Variants in CPA3 observed in about 807,000 individuals in gnomAD.
CPA3 encodes mast cell carboxypeptidase A.
In CPA3, 52 loss-of-function variants were observed where a neutral mutation model predicts 55.8. The observed-to-expected ratio is 0.93, with a 90% confidence interval of 0.75 to 1.17. The LOEUF (loss-of-function observed/expected upper bound fraction) is 1.17, where lower values mean the gene tolerates loss of function less well. CPA3 is among the 50% of genes most tolerant of loss of function. The pLI, the probability that CPA3 is intolerant of heterozygous loss-of-function variation, is 0.00. For missense variants in CPA3, 547 were observed against 509.1 expected (o/e 1.07, Z -0.72); for synonymous variants, 179 against 171.2 (o/e 1.05, Z -0.36).
intron 2 of CPA3, 67 bp downstream of exon 2, chr3:148,865,615 C>T: frequency 2.2e-6 from 3 of 1,350,042 alleles, no homozygotes; most frequent in Non-Finnish European, 3.1e-6. Context: ...TCTTATTTTA[C>T]TGTCAATGCC....
intron 3 of CPA3, among the ~76,000 whole-genome samples, chr3:148,872,728 A>G (rs2108030497): frequency 6.6e-6 from 1 of 152,264 alleles, no homozygotes; most frequent in South Asian, 2.1e-4. Context: ...ACCTAAGAGT[A>G]TAACATGCAT....
rs542693043 is a variant in CPA3, at chr3:148,868,216, C to T, written c.145-699C>T. Among the ~76,000 whole-genome samples, 35 of 152,158 alleles carry T rather than the reference C, an allele frequency of 2.3e-4. No homozygotes were observed. In the South Asian group the frequency reaches 5.8e-3, roughly 25 times the overall value. ...CCTCGAAATTATTTTGATCTGAATGCTATACTTCTGAGCTCATATACCAAA... is the reference window on the plus strand; with the variant it reads ...CCTCGAAATTATTTTGATCTGAATGTTATACTTCTGAGCTCATATACCAAA... On this transcript the variant is annotated intron_variant, in intron 2 of 10. Transcript: ENST00000296046.
intron 10 of CPA3, among the ~76,000 whole-genome samples, chr3:148,889,736 G>T (rs1714618952): frequency 6.6e-6 from 1 of 152,012 alleles, no homozygotes; most frequent in African/African-American, 2.4e-5. Context: ...TGGGCGTAAT[G>T]GTGGGCACCT....
intron 7 of CPA3, 67 bp downstream of exon 7, chr3:148,881,699 C>A: frequency 1.0e-6 from 1 of 955,186 alleles, no homozygotes; most frequent in Non-Finnish European, 1.6e-6. Flanking sequence ...CAATGTTATG[C>A]ATTCAGCTTA....
chr3:148,887,388 C>T (rs1714561636), intron 10 of CPA3, among the ~76,000 whole-genome samples: 1 of 152,184 alleles, frequency 6.6e-6, no homozygotes, highest in South Asian at 2.1e-4. Flanking sequence ...TTGATTTTCA[C>T]AATCTCAAGC....
chr3:148,885,208 G>A (rs1402881640), intron 9 of CPA3, among the ~76,000 whole-genome samples: 7 of 151,784 alleles, frequency 4.6e-5, no homozygotes, highest in African/African-American at 1.7e-4. Flanking sequence ...AGCCTGTTAG[G>A]GACCAAGGAA....
At chr3:148,895,369 A>G (rs1210500754) in intron 10 of CPA3, among the ~76,000 whole-genome samples, 1 of 152,182 alleles carries the variant, frequency 6.6e-6, no homozygotes, top group African/African-American at 2.4e-5. Flanking sequence ...CTCCATCATG[A>G]AGGCAGTATT....
chr3:148,895,582 C>T (rs1309390096), intron 10 of CPA3, among the ~76,000 whole-genome samples: 1 of 152,138 alleles, frequency 6.6e-6, no homozygotes. Context: ...TTGTACCCTG[C>T]AACAATTACT....
At chr3:148,882,255 T>C (rs1310375887) in intron 7 of CPA3, among the ~76,000 whole-genome samples, 1 of 152,188 alleles carries the variant, frequency 6.6e-6, no homozygotes, top group Non-Finnish European at 1.5e-5. Flanking sequence ...TACTGTGAAC[T>C]AATCAACAGT....
intron 3 of CPA3, among the ~76,000 whole-genome samples, chr3:148,877,494 A>G (rs187593164): frequency 2.1e-4 from 31 of 148,500 alleles, no homozygotes; most frequent in African/African-American, 6.4e-4. Context: ...AACTCCATCT[A>G]AAAAAAAAAG....
At chr3:148,892,856 T>TAGTCCCGGCTACTTGGGAGGCTG (rs58822169) in intron 10 of CPA3, among the ~76,000 whole-genome samples, 89,096 of 150,984 alleles carry the variant, frequency 0.59, 26,814 homozygotes, top group East Asian at 0.69. Context: ...CAGGCGCCTG[T>TAGTCCCGGCTACTTGGGAGGCTG]AGAGAGGAGA....
intron 10 of CPA3, among the ~76,000 whole-genome samples, chr3:148,889,107 G>T (rs1172270171): frequency 6.6e-6 from 1 of 152,186 alleles, no homozygotes; most frequent in Non-Finnish European, 1.5e-5. Context: ...GATTTAGAAA[G>T]AATTGCCTTT....
chr3:148,868,909 C>T lies in CPA3; in HGVS notation c.145-6C>T. 2 of 1,613,080 alleles carry T rather than the reference C, an allele frequency of 1.2e-6. No homozygotes were observed. Among genetic ancestry groups the T allele is most frequent in the Non-Finnish European group, 8.5e-7 (1 of 1,179,766 alleles). ...ACTCTGACTAACATTGAGCTTATCTCTGCAGCTTGACTTCTGGTATCCAGG... is the reference window on the plus strand; with the variant it reads ...ACTCTGACTAACATTGAGCTTATCTTTGCAGCTTGACTTCTGGTATCCAGG... On this transcript the variant is annotated splice_polypyrimidine_tract_variant and splice_region_variant and intron_variant, in intron 2 of 10. Transcript: ENST00000296046.
intron 2 of CPA3, 21 bp from the exon 3 acceptor site, chr3:148,868,894 A>T (rs1713980675): frequency 6.2e-7 from 1 of 1,611,236 alleles, no homozygotes; most frequent in African/African-American, 1.3e-5. Context: ...ACTCTGACTA[A>T]CATTGAGCTT....
In CPA3 at chr3:148,878,653, G is replaced by C; in HGVS notation, c.379G>C (p.Ala127Pro). 6.2e-7 allele frequency: 1 copy of C among 1,608,024 alleles called. No homozygotes were observed. The highest frequency in any genetic ancestry group is 1.1e-5 in the South Asian group (1 of 90,024). ...AATTGATTTTGCTCTTAAGATTGTG[G>C]CTTGGACTGAAAAGATGATGGATAA... ...AKYNNWEKIV[A>P]WTEKMMDKYP... The change falls in exon 5 of 11, where the codon GCT becomes CCT. Residue 127 changes from alanine to proline, a missense_variant. Transcript: ENST00000296046.
Position 148,881,526 on chromosome 3 carries a change from C to T in CPA3, c.581C>T (p.Thr194Ile). 1.2e-6 allele frequency: 2 copies of T among 1,608,918 alleles called. No homozygotes were observed. The highest frequency in any genetic ancestry group is 1.7e-4 in the Middle Eastern group (1 of 6,034). Residue 194 changes from threonine to isoleucine, a missense_variant, in exon 7 of 11, where the codon ACC (threonine) becomes ATC (isoleucine). Transcript: ENST00000296046. Reference protein sequence around the residue: ...AFCQWFVYQATKTYGRNKIMT... With the variant: ...AFCQWFVYQAIKTYGRNKIMT... Reference sequence around the variant, plus strand: ...ATTTTTTTTCACCTCCGACAGGCAACCAAAACTTATGGGAGAAACAAAATT... The same window carrying T: ...ATTTTTTTTCACCTCCGACAGGCAATCAAAACTTATGGGAGAAACAAAATT...
Position 148,868,939 on chromosome 3 carries a change from A to G in CPA3, c.169A>G (p.Thr57Ala), listed in dbSNP as rs142834901. The G allele has an allele frequency of 2.5e-5, 41 of 1,613,874 alleles. No homozygotes were observed. In the African/African-American group the frequency reaches 5.2e-4, roughly 20 times the overall value. The change falls in exon 3 of 11, where the codon ACC becomes GCC. Residue 57 changes from threonine (T) to alanine (A), a missense_variant. Transcript: ENST00000296046. ...GCTTGACTTCTGGTATCCAGGTGCCACCCACCACGTAGCTGCTAATATGAT... is the reference window on the plus strand; with the variant it reads ...GCTTGACTTCTGGTATCCAGGTGCCGCCCACCACGTAGCTGCTAATATGAT... ...NELDFWYPGA[T>A]HHVAANMMVD...
rs752406647 is a variant in CPA3, at chr3:148,883,842, T to C, written c.981+27T>C. 5.3e-6 allele frequency: 8 copies of C among 1,512,494 alleles called. No individual in the cohort carries two copies. The East Asian group carries it at 1.1e-4, about 21-fold the overall frequency. The allele number at this position is 1,512,494 out of a possible 1,614,324, so 93.7% of individuals were successfully genotyped here. A position where few individuals can be genotyped will look rare whatever the true frequency, so the allele number is the denominator to read the frequency against. ...TACGTAGACAAAAGTTTGCACTTCA[T>C]GCATCGACAATACCATTGACTTTCA... On this transcript the variant is annotated intron_variant, in intron 9 of 10. Coordinates refer to ENST00000296046, the MANE Select transcript of CPA3 (RefSeq NM_001870.4).
intron 8 of CPA3, among the ~76,000 whole-genome samples, chr3:148,883,365 G>A (rs1714426611): frequency 1.3e-5 from 2 of 152,138 alleles, no homozygotes; most frequent in African/African-American, 4.8e-5. Context: ...TTACTCCTGT[G>A]GCCTTGGGAA....
Sources: gnomAD v4.1 joint callset for allele counts (sites outside exome capture counted in the v4.1 genomes callset) on GRCh38, gnomAD v4.1.1 for gene constraint, MANE v1.5 for transcripts, NCBI Gene and HGNC (gene_info 2026-07-23, HGNC 2026-07-21) for gene names.